The following ZNF493 variants were observed in gnomAD, a reference collection of about 807,000 sequenced individuals.
ZNF493 encodes zinc finger protein 493.
A neutral mutation model predicts 12.2 loss-of-function variants in ZNF493; 11 were observed. That is an observed-to-expected ratio of 0.90 (90% CI 0.57 to 1.50). ZNF493 has a LOEUF of 1.50. Among genes scored for constraint, ZNF493 ranks in the 40% most tolerant of loss-of-function variants. The pLI is 0.00. For synonymous variants in ZNF493, 286 were observed against 302.6 expected, an observed-to-expected ratio of 0.95 and a Z score of 0.57; for missense variants, 950 against 906.6, an observed-to-expected ratio of 1.05 and a Z score of -0.61.
intron 1 of ZNF493, among the ~76,000 whole-genome samples, chr19:21,399,362 G>A (rs1029477202): frequency 4.6e-5 from 7 of 151,108 alleles, no homozygotes; most frequent in Non-Finnish European, 8.9e-5. Flanking sequence ...GGGTTCCACT[G>A]TGTTAGGCAG....
chr19:21,424,513 A>G lies in ZNF493; in HGVS notation c.1854A>G (p.Ile618Met). ...TTAACCGATCTTCAATCCTTAGTAT[A>G]CATAAGAAAATTCATACTGGAGAAA... Reference protein sequence around the residue: ...KAFNRSSILSIHKKIHTGEKP... With the variant: ...KAFNRSSILSMHKKIHTGEKP... The change falls in exon 4 of 4, where the codon ATA becomes ATG. Residue 618 changes from isoleucine to methionine, a missense_variant. Coordinates refer to ENST00000392288, the MANE Select transcript of ZNF493 (RefSeq NM_001076678.3). 1 of 1,613,468 alleles carries G rather than the reference A, an allele frequency of 6.2e-7. No homozygotes were observed. The highest frequency in any genetic ancestry group is 1.1e-5 in the South Asian group (1 of 91,002).
At chr19:21,410,580 A>G (rs2030293957) in intron 3 of ZNF493, among the ~76,000 whole-genome samples, 1 of 152,112 alleles carries the variant, frequency 6.6e-6, no homozygotes, top group Non-Finnish European at 1.5e-5. Flanking sequence ...TTAAGAGTTC[A>G]TATGTTATGA....
At chr19:21,418,288 CCT>C (rs1311712326) in intron 3 of ZNF493, among the ~76,000 whole-genome samples, 6 of 152,148 alleles carry the variant, frequency 3.9e-5, no homozygotes, top group African/African-American at 1.4e-4. Flanking sequence ...TGATATGTAA[CCT>C]CTTCTGTTAC....
chr19:21,420,298 T>G (rs1352083237), intron 3 of ZNF493, among the ~76,000 whole-genome samples: 1 of 152,066 alleles, frequency 6.6e-6, no homozygotes, highest in Non-Finnish European at 1.5e-5. Flanking sequence ...TATTTTTATT[T>G]TATATGCTTT....
At chr19:21,416,051 A>G (rs1263990885) in intron 3 of ZNF493, among the ~76,000 whole-genome samples, 3 of 152,232 alleles carry the variant, frequency 2.0e-5, no homozygotes, top group Non-Finnish European at 4.4e-5. Context: ...CTAATTGTTC[A>G]GTAACTAATT....
chr19:21,417,307 T>C (rs1284339595), intron 3 of ZNF493, among the ~76,000 whole-genome samples: 1 of 152,178 alleles, frequency 6.6e-6, no homozygotes, highest in Non-Finnish European at 1.5e-5. Flanking sequence ...ATTTCCTTTA[T>C]CCACTCTCAG....
intron 1 of ZNF493, among the ~76,000 whole-genome samples, chr19:21,400,673 C>T (rs545483047): frequency 3.3e-4 from 50 of 152,184 alleles, no homozygotes; most frequent in African/African-American, 1.2e-3. Context: ...ATGGAAGAAG[C>T]CTTTCTGCTG....
chr19:21,397,196 G>A lies in ZNF493; in HGVS notation c.-42G>A. ...TCACTGCTCTGTGTCCTCAGCGTGT[G>A]TGGCTTCGTGACCTGAAGATACTGG... On this transcript the variant is annotated 5_prime_UTR_variant, in exon 1 of 4. The change creates a new upstream start codon in the 5' untranslated region. Coordinates refer to ENST00000392288, the MANE Select transcript of ZNF493 (RefSeq NM_001076678.3). The A allele has an allele frequency of 6.2e-7, 1 of 1,613,508 alleles. No homozygotes were observed. The highest frequency in any genetic ancestry group is 1.1e-5 in the South Asian group (1 of 91,072).
chr19:21,412,091 C>G (rs545351282), intron 3 of ZNF493: 3 of 151,998 alleles, frequency 2.0e-5, no homozygotes, highest in African/African-American at 4.8e-5. Flanking sequence ...CACACACACA[C>G]AGAAATATAG....
intron 3 of ZNF493, chr19:21,413,429 A>T (rs1333859172): frequency 2.5e-6 from 1 of 406,874 alleles, no homozygotes; most frequent in East Asian, 3.6e-5. Context: ...GCTACCATTA[A>T]ATTGCTCATT....
chr19:21,425,068 C>T lies in ZNF493; in HGVS notation c.*84C>T, dbSNP rs1219575239. 3.5e-6 allele frequency: 5 copies of T among 1,410,784 alleles called. No individual in the cohort carries two copies. The highest frequency in any genetic ancestry group is 1.5e-5 in the African/African-American group (1 of 66,448). 87.4% of individuals were successfully genotyped at this position (1,410,784 alleles called of 1,614,324 possible). A position where few individuals can be genotyped will look rare whatever the true frequency, so the allele number is the denominator to read the frequency against. The stretch of plus-strand genomic sequence containing the variant: ...TTTCACCAGTACTTTACCCTTAATA[C>T]ACATAAGATAATTAATGCTGGAGAG... On this transcript the variant is annotated 3_prime_UTR_variant, in exon 4 of 4. Coordinates refer to ENST00000392288, the MANE Select transcript of ZNF493 (RefSeq NM_001076678.3).
At position 21,397,143 on chromosome 19, in the gene ZNF493, T is replaced by C. The variant is rs2145255247; in HGVS notation, c.-95T>C. The C allele has an allele frequency of 2.8e-6, 4 of 1,447,622 alleles. No individual in the cohort carries two copies. Among genetic ancestry groups the C allele is most frequent in the Non-Finnish European group, 3.9e-6 (4 of 1,029,928 alleles). 89.7% of individuals were successfully genotyped at this position (1,447,622 alleles called of 1,614,324 possible). On this transcript the variant is annotated 5_prime_UTR_variant, in exon 1 of 4. Coordinates refer to ENST00000392288, the MANE Select transcript of ZNF493 (RefSeq NM_001076678.3). ...GGATGTGGCTGGGCCATTGTTTCTC[T>C]CTGCTGCCGGAGCTCCAGGTCTACC...
intron 3 of ZNF493, among the ~76,000 whole-genome samples, chr19:21,409,051 A>AT (rs1262003465): frequency 2.6e-5 from 4 of 151,306 alleles, no homozygotes; most frequent in Admixed American, 6.6e-5. Flanking sequence ...CGCCTGGCTA[A>AT]TTTTTTGTAT....
intron 3 of ZNF493, chr19:21,413,722 T>TA: frequency 5.6e-6 from 2 of 360,242 alleles, no homozygotes; most frequent in East Asian, 8.3e-5. Flanking sequence ...TACCCCAAGT[T>TA]ATTTTACCCA....
In ZNF493 at chr19:21,424,695, A is replaced by G. The variant is rs952946606; in HGVS notation, c.2036A>G (p.His679Arg). Residue 679 changes from histidine (H) to arginine (R), a missense_variant, in exon 4 of 4, where the codon CAT becomes CGT. His to Arg is a conservative substitution (Grantham distance 29, BLOSUM62 0). Coordinates refer to ENST00000392288, the MANE Select transcript of ZNF493 (RefSeq NM_001076678.3). ...ACCCTTACTAAACATAAGATAATTCATACTGAAGAGAAACCCTACAAATGT... is the reference window on the plus strand; with the variant it reads ...ACCCTTACTAAACATAAGATAATTCGTACTGAAGAGAAACCCTACAAATGT... ...FSTLTKHKII[H>R]TEEKPYKCEK... The G allele has an allele frequency of 1.2e-6, 2 of 1,613,726 alleles. No homozygotes were observed. Among genetic ancestry groups the G allele is most frequent in the East Asian group, 2.2e-5 (1 of 44,852 alleles).
chr19:21,403,336 A>C, intron 1 of ZNF493, among the ~76,000 whole-genome samples: 1 of 152,184 alleles, frequency 6.6e-6, no homozygotes. Context: ...TTTTGATAGG[A>C]AGAGGTCAGT....
rs1462111084 is a variant in ZNF493, at chr19:21,424,041, A to G, written c.1382A>G (p.Tyr461Cys). 6.2e-6 allele frequency: 10 copies of G among 1,613,672 alleles called. No homozygotes were observed. The highest frequency in any genetic ancestry group is 8.5e-6 in the Non-Finnish European group (10 of 1,179,804). Residue 461 changes from tyrosine to cysteine, a missense_variant, in exon 4 of 4, where the codon TAC becomes TGC. Physicochemically the swap from Tyr to Cys is radical, Grantham distance 194. Transcript: ENST00000392288. Reference sequence around the variant, plus strand: ...ATAATTCATACAGAAGAGAAACCCTACAAATGTGAAGAATGTGGCAAAGCT... The same window carrying G: ...ATAATTCATACAGAAGAGAAACCCTGCAAATGTGAAGAATGTGGCAAAGCT... ...HKIIHTEEKPYKCEECGKAFK... is the reference protein window; with the variant it reads ...HKIIHTEEKPCKCEECGKAFK...
rs138004481 is a variant in ZNF493, at chr19:21,423,372, A to G, written c.713A>G (p.Tyr238Cys). The G allele has an allele frequency of 2.6e-4, 427 of 1,613,604 alleles. No homozygotes were observed. Among genetic ancestry groups the G allele is most frequent in the Non-Finnish European group, 3.3e-4 (392 of 1,179,858 alleles). The part of the protein sequence containing the change: ...HRRVHTGEKS[Y>C]KYECGKSFNQ... ...AGAGTTCATACTGGAGAGAAATCCT[A>G]CAAATATGAATGTGGCAAATCTTTT... is the stretch of plus-strand genomic sequence containing the variant. The change falls in exon 4 of 4, where the codon TAC becomes TGC. Residue 238 changes from tyrosine to cysteine, a missense_variant. Coordinates refer to ENST00000392288, the MANE Select transcript of ZNF493 (RefSeq NM_001076678.3).
At chr19:21,398,942 A>C (rs1974216325) in intron 1 of ZNF493, 1 of 158,964 alleles carries the variant, frequency 6.3e-6, no homozygotes, top group Non-Finnish European at 1.4e-5. Flanking sequence ...AAAGACAAAC[A>C]ACAAGAACAA....
Sources: gnomAD v4.1 joint callset for allele counts (sites outside exome capture counted in the v4.1 genomes callset) on GRCh38, gnomAD v4.1.1 for gene constraint, MANE v1.5 for transcripts, NCBI Gene and HGNC (gene_info 2026-07-23, HGNC 2026-07-21) for gene names.